The following TMEM229B variants were observed in gnomAD, a reference collection of about 807,000 sequenced individuals.
TMEM229B encodes the protein chromosome 14 open reading frame 83.
A neutral mutation model predicts 13.7 loss-of-function variants in TMEM229B; 6 were observed. The ratio of observed to expected loss-of-function variants is 0.44; its 90% CI spans 0.24 to 0.86. TMEM229B has a LOEUF of 0.86. TMEM229B is among the 40% of genes least tolerant of loss of function. The pLI is 0.23. For synonymous variants in TMEM229B, 107 were observed against 102.1 expected (o/e 1.05, Z -0.29); for missense variants, 170 against 236.0 (o/e 0.72, Z 1.83).
At chr14:67,499,822 C>T (rs2032531595) in intron 1 of TMEM229B, among the ~76,000 whole-genome samples, 1 of 144,418 alleles carries the variant, frequency 6.9e-6, no homozygotes. Context: ...ATGACCATCA[C>T]TGCTAAACAG....
At chr14:67,487,953 T>C (rs2031973197) in intron 1 of TMEM229B, among the ~76,000 whole-genome samples, 1 of 152,210 alleles carries the variant, frequency 6.6e-6, no homozygotes, top group African/African-American at 2.4e-5. Context: ...TTTACTACTA[T>C]CCCTAAGACT....
chr14:67,475,603 G>A (rs1481180303), intron 2 of TMEM229B, among the ~76,000 whole-genome samples: 1 of 152,148 alleles, frequency 6.6e-6, no homozygotes, highest in Non-Finnish European at 1.5e-5. Flanking sequence ...GGTGTGAGGT[G>A]GTTCTCTCAT....
chr14:67,479,465 C>A (rs112899379), intron 2 of TMEM229B, among the ~76,000 whole-genome samples: 1 of 150,222 alleles, frequency 6.7e-6, no homozygotes, highest in East Asian at 2.0e-4. Context: ...TGCCTGTAAT[C>A]CCAGTACTTT....
rs151227900 is a variant in TMEM229B at position 67,525,537 on chromosome 14, G to A, written c.-192+8099C>T. Among the ~76,000 whole-genome samples, 79 of 152,216 alleles carry A rather than the reference G, an allele frequency of 5.2e-4. 2 individuals carry two copies. The East Asian group carries it at 0.014, about 28-fold the overall frequency. ...CCTCATTCTTCTCCTAACATAAATT[G>A]TGAGAAATAGTCACAATTGTAGCTG... On this transcript the variant is annotated intron_variant, in intron 1 of 2. Transcript: ENST00000554278.
At chr14:67,493,170 G>A (rs763721319), upstream of TMEM229B, among the ~76,000 whole-genome samples, 1 of 152,202 alleles carries the variant, frequency 6.6e-6, no homozygotes, top group Non-Finnish European at 1.5e-5. Context: ...AGAGTAGCTG[G>A]TGTTAGGCAC....
intron 1 of TMEM229B, among the ~76,000 whole-genome samples, chr14:67,523,464 G>T (rs2033319981): frequency 6.6e-6 from 1 of 152,218 alleles, no homozygotes; most frequent in Admixed American, 6.5e-5. Flanking sequence ...TACAGGTAGG[G>T]TTATACAGGT....
At chr14:67,481,616 T>C (rs529314033) in intron 2 of TMEM229B, among the ~76,000 whole-genome samples, 1 of 152,312 alleles carries the variant, frequency 6.6e-6, no homozygotes, top group East Asian at 1.9e-4. Context: ...TTGACTTGGA[T>C]GCGTTTTCAG....
At chr14:67,476,417 T>C (rs2140053271) in intron 2 of TMEM229B, among the ~76,000 whole-genome samples, 1 of 152,130 alleles carries the variant, frequency 6.6e-6, no homozygotes, top group Middle Eastern at 3.4e-3. Flanking sequence ...TGAAACCCTG[T>C]CTCTACTAAA....
At chr14:67,496,390 C>CTTT (rs1566688452) in intron 1 of TMEM229B, among the ~76,000 whole-genome samples, 1 of 27,632 alleles carries the variant, frequency 3.6e-5, no homozygotes, top group Non-Finnish European at 8.5e-5. Flanking sequence ...ACTGCTCCGG[C>CTTT]GTTTTTTTTT....
chr14:67,496,941 G>A (rs577659432), intron 1 of TMEM229B, among the ~76,000 whole-genome samples: 1 of 152,064 alleles, frequency 6.6e-6, no homozygotes, highest in East Asian at 1.9e-4. Context: ...AGGATTACAG[G>A]TGCCCGCCAC....
At chr14:67,487,630 C>A (rs2031956708) in intron 1 of TMEM229B, among the ~76,000 whole-genome samples, 1 of 152,180 alleles carries the variant, frequency 6.6e-6, no homozygotes. Flanking sequence ...TGCAGAAAAA[C>A]AAAATGTGTG....
chr14:67,473,952 C>T lies in TMEM229B; in HGVS notation c.-18-11G>A, dbSNP rs770226143. On this transcript the variant is annotated splice_polypyrimidine_tract_variant and intron_variant, in intron 2 of 2. Transcript: ENST00000554480. The surrounding 1 kb of genome is among the most constrained non-coding windows in gnomAD (Gnocchi z 6.5). ...GCCGACTGGGGCTGGCTGCGGGGGG[C>T]GCAAGAGAGACAGGTGAGGGCCGGG... 1.3e-6 allele frequency: 2 copies of T among 1,574,240 alleles called. No individual in the cohort carries two copies. The highest frequency in any genetic ancestry group is 4.6e-5 in the East Asian group (2 of 43,684).
At chr14:67,520,351 C>G (rs2033272498), upstream of TMEM229B, among the ~76,000 whole-genome samples, 2 of 152,230 alleles carry the variant, frequency 1.3e-5, no homozygotes, top group Non-Finnish European at 2.9e-5. Context: ...TTTCCCTCCC[C>G]CTTAACCCCT....
chr14:67,502,021 C>T (rs541549682), intron 1 of TMEM229B, among the ~76,000 whole-genome samples: 41 of 152,266 alleles, frequency 2.7e-4, no homozygotes, highest in South Asian at 1.0e-3. Context: ...AATAGCATGA[C>T]GTTAGGTCTC....
intron 2 of TMEM229B, among the ~76,000 whole-genome samples, chr14:67,477,751 G>A (rs1435112979): frequency 6.6e-6 from 1 of 152,192 alleles, no homozygotes; most frequent in South Asian, 2.1e-4. Flanking sequence ...AGACAATGCA[G>A]TGAGACTCTG....
At chr14:67,499,081 T>C (rs1046854018) in intron 1 of TMEM229B, among the ~76,000 whole-genome samples, 3 of 151,962 alleles carry the variant, frequency 2.0e-5, no homozygotes, top group Non-Finnish European at 4.4e-5. Flanking sequence ...TAGGTCACCA[T>C]AAACTCAAAC....
upstream of TMEM229B, among the ~76,000 whole-genome samples, chr14:67,518,981 G>A (rs151085250): frequency 2.9e-3 from 437 of 152,336 alleles, 5 homozygotes; most frequent in African/African-American, 9.9e-3. Context: ...AAGAAGCATT[G>A]AAGTTGAAGC....
intron 1 of TMEM229B, among the ~76,000 whole-genome samples, chr14:67,497,367 C>T (rs903087372): frequency 2.0e-5 from 3 of 152,062 alleles, no homozygotes; most frequent in African/African-American, 7.2e-5. Context: ...GACACTGTAG[C>T]GCAGGCCGAG....
At chr14:67,481,878 C>T (rs1432400481) in intron 2 of TMEM229B, among the ~76,000 whole-genome samples, 1 of 152,168 alleles carries the variant, frequency 6.6e-6, no homozygotes, top group Non-Finnish European at 1.5e-5. Flanking sequence ...CTCCTGGTGA[C>T]AAACAAAACT....
Sources: allele counts gnomAD v4.1 joint callset (sites outside exome capture counted in the v4.1 genomes callset), GRCh38; gene constraint gnomAD v4.1.1; non-coding constraint Gnocchi (gnomAD v3.1); transcripts MANE v1.5; gene names NCBI Gene and HGNC (gene_info 2026-07-23, HGNC 2026-07-21).